The following ZBTB40 variants were observed in gnomAD, a reference collection of about 807,000 sequenced individuals.
ZBTB40 encodes zinc finger and BTB domain-containing protein 40.
In ZBTB40, 60 loss-of-function variants were observed where a neutral mutation model predicts 117.5. The observed-to-expected ratio is 0.51, with a 90% CI of 0.41 to 0.63. The LOEUF (loss-of-function observed/expected upper bound fraction) is 0.63, where lower values mean the gene tolerates loss of function less well. Among genes scored for constraint, ZBTB40 ranks in the 30% least tolerant of loss-of-function variants. The pLI is 0.00. For missense variants in ZBTB40, 1,287 were observed against 1,498.5 expected, an observed-to-expected ratio of 0.86 and a Z score of 2.33; for synonymous variants, 525 against 577.1, an observed-to-expected ratio of 0.91 and a Z score of 1.29.
Position 22,520,155 on chromosome 1 carries a change from G to A in ZBTB40, c.2928G>A (p.Glu976=), listed in dbSNP as rs768623276. The part of the protein sequence containing the change: ...RKHIHEVHSK[E]YHPCPTCGKI... ...ACATCCATGAGGTGCACTCCAAAGA[G>A]TACCACCCCTGCCCCACGTGTGGGA... Residue 976 remains glutamate, a synonymous_variant, in exon 14 of 18, where the codon GAG becomes GAA. Coordinates refer to ENST00000375647, the MANE Select transcript of ZBTB40 (RefSeq NM_014870.4). 20 of 1,614,076 alleles carry A rather than the reference G, an allele frequency of 1.2e-5. No individual in the cohort carries two copies. In the African/African-American group the frequency reaches 2.7e-4, roughly 22 times the overall value.
intron 9 of ZBTB40, 108 bp from the exon 10 acceptor site, chr1:22,511,071 A>T (rs1211136260): frequency 7.1e-7 from 1 of 1,401,374 alleles, no homozygotes; most frequent in African/African-American, 1.4e-5. Flanking sequence ...TTATAAATGG[A>T]GCAGTGCCTT....
chr1:22,503,011 A>G (rs190385501), intron 5 of ZBTB40, among the ~76,000 whole-genome samples: 56 of 152,210 alleles, frequency 3.7e-4, no homozygotes, highest in Non-Finnish European at 7.6e-4. Flanking sequence ...ATGAGGTTAT[A>G]TAGAACATAT....
chr1:22,502,418 T>C lies in ZBTB40; in HGVS notation c.1144T>C (p.Phe382Leu), dbSNP rs199935646. Residue 382 changes from phenylalanine to leucine, a missense_variant, in exon 5 of 18, where the codon TTC becomes CTC. By Grantham distance (22) the Phe-to-Leu change is conservative. Transcript: ENST00000375647. ...MESLETAKEE[F>L]LTGTEKRVIL... ...GTCCCTGGAAACAGCCAAGGAGGAA[T>C]TCCTGACTGGCACTGAAAAAAGGGT... The C allele has an allele frequency of 2.9e-5, 47 of 1,613,978 alleles. No homozygotes were observed. The East Asian group carries it at 1.0e-3, about 36-fold the overall frequency.
intron 1 of ZBTB40, among the ~76,000 whole-genome samples, chr1:22,476,997 T>C (rs1012290084): frequency 5.3e-5 from 8 of 152,204 alleles, no homozygotes; most frequent in African/African-American, 1.7e-4. Context: ...ATTTACTTCC[T>C]TGCAAAGAAA....
intron 9 of ZBTB40, among the ~76,000 whole-genome samples, chr1:22,509,995 C>G (rs1455342281): frequency 6.6e-6 from 1 of 152,178 alleles, no homozygotes; most frequent in Non-Finnish European, 1.5e-5. Flanking sequence ...CTAGAAAGAG[C>G]CAAGATAAAC....
intron 1 of ZBTB40, 85 bp from the exon 2 acceptor site, chr1:22,489,795 C>A (rs1638570835): frequency 1.4e-6 from 1 of 728,394 alleles, no homozygotes; most frequent in South Asian, 1.5e-5. Context: ...GAGTGAAATG[C>A]CTTTCTGTTC....
rs61769195 is a variant in ZBTB40, at chr1:22,480,571, C to G, written c.-69-9309C>G. Among the ~76,000 whole-genome samples the G allele has an allele frequency of 5.2e-4, 78 of 151,324 alleles. 1 individual carries two copies. The South Asian group carries it at 0.015, about 29-fold the overall frequency. ...TTCATCGTGTTAGCCAGGATGGTCT[C>G]GATCTCCTGACCTCGTGATCTGCCC... On this transcript the variant is annotated intron_variant, in intron 1 of 17. Coordinates refer to ENST00000375647, the MANE Select transcript of ZBTB40 (RefSeq NM_014870.4).
chr1:22,441,059 G>A (rs1216698049), intron 1 of ZBTB40, among the ~76,000 whole-genome samples: 2 of 152,084 alleles, frequency 1.3e-5, no homozygotes, highest in African/African-American at 4.8e-5. Context: ...ATTGGTATTA[G>A]TTGTTCTTTT....
intron 1 of ZBTB40, among the ~76,000 whole-genome samples, chr1:22,459,369 T>C (rs1242722431): frequency 6.6e-6 from 1 of 152,272 alleles, no homozygotes; most frequent in Admixed American, 6.5e-5. Context: ...CTGATCCATT[T>C]GAAATTTATC....
At chr1:22,491,554 T>C in intron 3 of ZBTB40, 21 bp downstream of exon 3, 1 of 1,613,486 alleles carries the variant, frequency 6.2e-7, no homozygotes, top group Non-Finnish European at 8.5e-7. Context: ...CTGACTTTTG[T>C]ACTTGTTTGC....
rs1372187179 is a variant in ZBTB40 at position 22,433,444 on chromosome 1, A to C, written c.-70+4430A>C. On this transcript the variant is annotated intron_variant, in intron 1 of 8. Coordinates refer to the ZBTB40 transcript ENST00000650433. ...CAAGACGCCCTCTCAAAAAAAAAAA[A>C]AAAAAAAAAAAAAGACAGCTAAAAA... is the stretch of plus-strand genomic sequence containing the variant. Among the ~76,000 whole-genome samples, 27 of 139,406 alleles carry C rather than the reference A, an allele frequency of 1.9e-4. 1 individual carries two copies. Among genetic ancestry groups the C allele is most frequent in the African/African-American group, 3.8e-4 (15 of 39,086 alleles). 91.5% of individuals were successfully genotyped at this position (139,406 alleles called of 152,430 possible).
chr1:22,495,914 T>C (rs896923254), intron 3 of ZBTB40, among the ~76,000 whole-genome samples: 3 of 152,232 alleles, frequency 2.0e-5, no homozygotes, highest in Non-Finnish European at 4.4e-5. Flanking sequence ...GCAAGTTGTT[T>C]TGCCTCTTTG....
At chr1:22,454,377 A>C (rs1465639015) in intron 1 of ZBTB40, among the ~76,000 whole-genome samples, 1 of 152,224 alleles carries the variant, frequency 6.6e-6, no homozygotes, top group Non-Finnish European at 1.5e-5. Context: ...AAGACAGTAA[A>C]GAAATAACAA....
intron 3 of ZBTB40, among the ~76,000 whole-genome samples, chr1:22,495,216 A>G (rs567557245): frequency 8.6e-4 from 131 of 152,296 alleles, no homozygotes; most frequent in Admixed American, 1.4e-3. Flanking sequence ...TCAGTGATGA[A>G]AGGTGGCAAA....
intron 14 of ZBTB40, 32 bp from the exon 15 acceptor site, chr1:22,521,464 C>A (rs1381135969): frequency 6.2e-7 from 1 of 1,614,194 alleles, no homozygotes; most frequent in African/African-American, 1.3e-5. Flanking sequence ...CTGGAACTTT[C>A]TAAGACCTAA....
At chr1:22,451,110 C>G (rs1442028380), upstream of ZBTB40, among the ~76,000 whole-genome samples, 1 of 152,194 alleles carries the variant, frequency 6.6e-6, no homozygotes, top group Admixed American at 6.5e-5. Flanking sequence ...TCCCAAAGCC[C>G]CTAAATCCCA....
chr1:22,525,842 G>T (rs1436849069), intron 17 of ZBTB40, among the ~76,000 whole-genome samples: 1 of 152,212 alleles, frequency 6.6e-6, no homozygotes. Flanking sequence ...AGACCAGCTG[G>T]CTTCAGTGGC....
At chr1:22,491,577 C>G in intron 3 of ZBTB40, 44 bp downstream of exon 3, 4 of 1,605,790 alleles carry the variant, frequency 2.5e-6, no homozygotes, top group Non-Finnish European at 3.4e-6. Context: ...GTTTAGTGTT[C>G]TCAGGATACC....
At position 22,490,108 on chromosome 1, in the gene ZBTB40, G is replaced by T. The variant is rs747935564; in HGVS notation, c.160G>T (p.Asp54Tyr). 4 of 1,614,070 alleles carry T rather than the reference G, an allele frequency of 2.5e-6. No homozygotes were observed. The South Asian group carries it at 3.3e-5, about 13-fold the overall frequency. Residue 54 changes from aspartate to tyrosine, a missense_variant, in exon 2 of 18, where the codon GAT becomes TAT. Asp to Tyr is a radical substitution (Grantham distance 160, BLOSUM62 -3). Coordinates refer to ENST00000375647, the MANE Select transcript of ZBTB40 (RefSeq NM_014870.4). ...CAGCCTCCTGTTCAAAACCCTGCTG[G>T]ATAACACAGATACCATCTCCATCGA... ...AASLLFKTLL[D>Y]NTDTISIDAS...
Sources: allele counts gnomAD v4.1 joint callset (sites outside exome capture counted in the v4.1 genomes callset), GRCh38; gene constraint gnomAD v4.1.1; transcripts MANE v1.5; gene names NCBI Gene and HGNC (gene_info 2026-07-23, HGNC 2026-07-21).